The following MAP7 variants were observed in gnomAD, a reference collection of about 807,000 sequenced individuals.
MAP7 encodes microtubule associated protein 7.
Under a neutral mutation model 94.8 loss-of-function variants are expected in MAP7, and 52 were observed. The observed-to-expected ratio is 0.55, with a 90% CI of 0.44 to 0.69. The LOEUF (loss-of-function observed/expected upper bound fraction) is 0.69. Among genes scored for constraint, MAP7 ranks in the 30% least tolerant of loss-of-function variants. The pLI is 0.00. For missense variants in MAP7, 940 were observed against 964.6 expected (o/e 0.97, Z 0.34); for synonymous variants, 350 against 357.0 (o/e 0.98, Z 0.22).
chr6:136,533,220 C>T (rs113632087), intron 1 of MAP7, among the ~76,000 whole-genome samples: 128 of 152,240 alleles, frequency 8.4e-4, no homozygotes, highest in African/African-American at 2.9e-3. Context: ...TGCAGTCAGC[C>T]GAGATTGGGC....
chr6:136,526,400 CT>C, intron 1 of MAP7: 4 of 989,166 alleles, frequency 4.0e-6, no homozygotes, highest in Non-Finnish European at 4.8e-6. Flanking sequence ...GCTGCAGCAC[CT>C]TTTTCCAATC....
chr6:136,525,672 AC>A (rs1014074489), intron 1 of MAP7, among the ~76,000 whole-genome samples: 7 of 152,138 alleles, frequency 4.6e-5, no homozygotes, highest in African/African-American at 1.4e-4. Context: ...TGCATACACA[AC>A]CCTACAGAGG....
chr6:136,496,977 A>G (rs2129001837), intron 1 of MAP7, among the ~76,000 whole-genome samples: 1 of 151,894 alleles, frequency 6.6e-6, no homozygotes. Context: ...AATGAATAAA[A>G]TAAAGCCCAT....
At chr6:136,464,318 T>C (rs1228748499) in intron 1 of MAP7, among the ~76,000 whole-genome samples, 1 of 152,216 alleles carries the variant, frequency 6.6e-6, no homozygotes, top group Non-Finnish European at 1.5e-5. Context: ...ATGGTTTCAC[T>C]TTCTGAGGTT....
At chr6:136,441,045 A>C (rs1183635643) in intron 1 of MAP7, among the ~76,000 whole-genome samples, 1 of 152,120 alleles carries the variant, frequency 6.6e-6, no homozygotes, top group Non-Finnish European at 1.5e-5. Context: ...AAAGCTCAAT[A>C]CCATTCCATT....
At chr6:136,392,388 C>CTTTTTT (rs11347286) in intron 3 of MAP7, among the ~76,000 whole-genome samples, 2 of 102,586 alleles carry the variant, frequency 1.9e-5, no homozygotes, top group African/African-American at 3.7e-5. Flanking sequence ...CTGCATCTTG[C>CTTTTTT]TTTTTTTTTT....
At chr6:136,382,331 T>TAA (rs1331605497) in intron 6 of MAP7, among the ~76,000 whole-genome samples, 1 of 152,178 alleles carries the variant, frequency 6.6e-6, no homozygotes, top group Non-Finnish European at 1.5e-5. Context: ...TAAAGAAGTG[T>TAA]AAAATACTAA....
intron 10 of MAP7, among the ~76,000 whole-genome samples, chr6:136,363,548 T>A (rs2128574262): frequency 6.6e-6 from 1 of 152,374 alleles, no homozygotes; most frequent in African/African-American, 2.4e-5. Flanking sequence ...GGACTCCTCC[T>A]TTTTCTAACA....
chr6:136,518,465 T>C (rs1452656205), intron 1 of MAP7, among the ~76,000 whole-genome samples: 3 of 152,240 alleles, frequency 2.0e-5, no homozygotes, highest in Admixed American at 2.0e-4. Flanking sequence ...TATGTCCATC[T>C]GTGACACACT....
intron 2 of MAP7, chr6:136,419,828 C>A (rs895288495): frequency 1.2e-5 from 4 of 336,328 alleles, no homozygotes; most frequent in South Asian, 9.0e-5. Context: ...AATTTTTGAT[C>A]CTGTAAGGGC....
At chr6:136,511,642 C>T (rs1823312433) in intron 1 of MAP7, among the ~76,000 whole-genome samples, 1 of 152,158 alleles carries the variant, frequency 6.6e-6, no homozygotes, top group African/African-American at 2.4e-5. Context: ...GCAGCAGCTC[C>T]AGTTCACTTT....
chr6:136,443,639 G>C (rs557377488), intron 1 of MAP7, among the ~76,000 whole-genome samples: 1 of 151,670 alleles, frequency 6.6e-6, no homozygotes, highest in South Asian at 2.1e-4. Flanking sequence ...TTAGTAGAGG[G>C]GTTTTTCCCC....
At chr6:136,543,781 C>T (rs1829510361) in intron 1 of MAP7, among the ~76,000 whole-genome samples, 1 of 152,066 alleles carries the variant, frequency 6.6e-6, no homozygotes, top group Non-Finnish European at 1.5e-5. Flanking sequence ...AAGAGAGTCT[C>T]ACTACAAAGG....
intron 1 of MAP7, among the ~76,000 whole-genome samples, chr6:136,505,991 G>T (rs1821397221): frequency 6.6e-6 from 1 of 152,062 alleles, no homozygotes. Flanking sequence ...AAAGTGATTG[G>T]TAAAGAAGAT....
chr6:136,414,128 C>CT (rs1788455606), intron 2 of MAP7, among the ~76,000 whole-genome samples: 2 of 150,970 alleles, frequency 1.3e-5, no homozygotes, highest in South Asian at 4.2e-4. Context: ...TAGCGGGCGC[C>CT]TGTAGTCCCA....
In MAP7 at chr6:136,420,395, G is replaced by A. The variant is rs571051225; in HGVS notation, c.166+1306C>T. 6.0e-5 allele frequency: 32 copies of A among 537,506 alleles called. 1 individual carries two copies. The South Asian group carries it at 7.0e-4, about 12-fold the overall frequency. The allele number at this position is 537,506 out of a possible 1,614,324, so 33.3% of individuals were successfully genotyped here. On this transcript the variant is annotated intron_variant, in intron 2 of 17. Transcript: ENST00000354570. Reference sequence around the variant, plus strand: ...CTCAGTGCAGCACCAGGAGGCCAGGGGAACTCAGCTACCAGGTCCACTTCT... The same window carrying A: ...CTCAGTGCAGCACCAGGAGGCCAGGAGAACTCAGCTACCAGGTCCACTTCT...
rs749666997 is a variant in MAP7 at position 136,362,708 on chromosome 6, CA to C, written c.1274-7del. The C allele has an allele frequency of 2.5e-6, 4 of 1,570,580 alleles. No homozygotes were observed. The highest frequency in any genetic ancestry group is 2.6e-6 in the Non-Finnish European group (3 of 1,165,488). ...TGGGGCCATGGCTGGAGCAGCTGCACAAATAGGTACAAGGAGAAAACCAGTT... is the reference window on the plus strand; with the variant it reads ...TGGGGCCATGGCTGGAGCAGCTGCACAATAGGTACAAGGAGAAAACCAGTT... On this transcript the variant is annotated splice_region_variant and splice_polypyrimidine_tract_variant and intron_variant, in intron 10 of 17. Transcript: ENST00000354570.
chr6:136,487,530 G>A (rs910216085), intron 1 of MAP7, among the ~76,000 whole-genome samples: 18 of 151,872 alleles, frequency 1.2e-4, no homozygotes, highest in Non-Finnish European at 2.2e-4. Context: ...GCGAGATCCC[G>A]TTTCTGCAAA....
intron 1 of MAP7, among the ~76,000 whole-genome samples, chr6:136,532,301 T>A (rs888702123): frequency 6.6e-6 from 1 of 152,118 alleles, no homozygotes; most frequent in Admixed American, 6.5e-5. Flanking sequence ...ATATTTGAAA[T>A]AGGATGATAA....
Sources: allele counts gnomAD v4.1 joint callset (sites outside exome capture counted in the v4.1 genomes callset), GRCh38; gene constraint gnomAD v4.1.1; transcripts MANE v1.5; gene names NCBI Gene and HGNC (gene_info 2026-07-23, HGNC 2026-07-21).